Variants in KSR1 observed in about 807,000 individuals in gnomAD.
KSR1 encodes the protein kinase suppressor of ras.
In KSR1, 35 loss-of-function variants were observed where a neutral mutation model predicts 92.9. The ratio of observed to expected loss-of-function variants is 0.38; its 90% CI spans 0.29 to 0.50. The LOEUF is 0.50. Ranked by LOEUF, KSR1 falls within the 20% of genes least tolerant of loss-of-function variation. The pLI is 0.94. For missense variants in KSR1, 972 were observed against 1,158.5 expected, an observed-to-expected ratio of 0.84 and a Z score of 2.34; for synonymous variants, 467 against 472.6, an observed-to-expected ratio of 0.99 and a Z score of 0.15.
chr17:27,540,621 C>G (rs2070928477), intron 1 of KSR1, among the ~76,000 whole-genome samples: 1 of 152,228 alleles, frequency 6.6e-6, no homozygotes, highest in Admixed American at 6.5e-5. Context: ...GCGAAATGCC[C>G]AGCTCAAGGA....
chr17:27,622,974 T>C (rs993961338), intron 20 of KSR1: 3 of 323,788 alleles, frequency 9.3e-6, no homozygotes, highest in Non-Finnish European at 1.7e-5. Flanking sequence ...GGAGTCATGT[T>C]TCTCTTCTCT....
intron 1 of KSR1, among the ~76,000 whole-genome samples, chr17:27,538,631 A>G (rs2070838650): frequency 6.6e-6 from 1 of 152,236 alleles, no homozygotes. Context: ...GCTGCGAGCC[A>G]CTGACTGAGA....
chr17:27,551,100 G>A (rs185472312), intron 2 of KSR1, among the ~76,000 whole-genome samples: 52 of 152,300 alleles, frequency 3.4e-4, no homozygotes, highest in Middle Eastern at 6.8e-3. Flanking sequence ...TTTTATACTC[G>A]AGGAAATTAA....
At chr17:27,549,411 G>A (rs565606085) in intron 1 of KSR1, among the ~76,000 whole-genome samples, 3 of 152,282 alleles carry the variant, frequency 2.0e-5, no homozygotes, top group African/African-American at 4.8e-5. Flanking sequence ...TTGGGAATGC[G>A]AGTCCCTTAT....
At chr17:27,514,730 A>G (rs1567781807) in intron 1 of KSR1, among the ~76,000 whole-genome samples, 1 of 152,120 alleles carries the variant, frequency 6.6e-6, no homozygotes, top group African/African-American at 2.4e-5. Flanking sequence ...TTATGAAACA[A>G]AAAGCCCAGA....
chr17:27,462,511 C>T (rs2019493863), intron 1 of KSR1, among the ~76,000 whole-genome samples: 1 of 152,176 alleles, frequency 6.6e-6, no homozygotes, highest in African/African-American at 2.4e-5. Context: ...CTAGCACATC[C>T]TCAAAGACAG....
chr17:27,551,377 G>A (rs1054526197), intron 2 of KSR1, among the ~76,000 whole-genome samples: 2 of 152,072 alleles, frequency 1.3e-5, no homozygotes, highest in Non-Finnish European at 2.9e-5. Flanking sequence ...TACTTGGCAG[G>A]CATGGTTCAC....
At chr17:27,563,980 G>GATTTTTTTTTTTTTTT (rs1567832073) in intron 2 of KSR1, among the ~76,000 whole-genome samples, 1 of 82,654 alleles carries the variant, frequency 1.2e-5, no homozygotes, top group African/African-American at 4.6e-5. Flanking sequence ...GTATTCGGTA[G>GATTTTTTTTTTTTTTT]CTTTTTTTTT....
intron 1 of KSR1, among the ~76,000 whole-genome samples, chr17:27,495,601 CTG>C (rs957084073): frequency 1.3e-5 from 2 of 152,208 alleles, no homozygotes; most frequent in African/African-American, 4.8e-5. Flanking sequence ...GCTCTGAAAT[CTG>C]TGAGCAATGT....
intron 5 of KSR1, 46 bp downstream of exon 5, chr17:27,585,707 T>G (rs768231279): frequency 1.3e-6 from 1 of 746,942 alleles, no homozygotes; most frequent in South Asian, 1.4e-5. Context: ...GGGAGTCGTG[T>G]GTGCGTTGCT....
At chr17:27,494,044 G>A (rs529251252) in intron 1 of KSR1, among the ~76,000 whole-genome samples, 2 of 152,142 alleles carry the variant, frequency 1.3e-5, no homozygotes, top group East Asian at 3.9e-4. Context: ...ATCAATGTCC[G>A]CCTTTCATGT....
At chr17:27,580,381 C>G (rs1249088858) in intron 3 of KSR1, among the ~76,000 whole-genome samples, 2 of 152,226 alleles carry the variant, frequency 1.3e-5, no homozygotes, top group Admixed American at 6.5e-5. Context: ...TCACTGCAGT[C>G]AGGTGGGAGG....
intron 1 of KSR1, among the ~76,000 whole-genome samples, chr17:27,492,404 G>C (rs2068858577): frequency 6.6e-6 from 1 of 152,154 alleles, no homozygotes; most frequent in Non-Finnish European, 1.5e-5. Flanking sequence ...TTGTGCCCGT[G>C]AATTCCTTTC....
chr17:27,462,112 C>T (rs372922575), intron 1 of KSR1, among the ~76,000 whole-genome samples: 1 of 152,170 alleles, frequency 6.6e-6, no homozygotes, highest in Non-Finnish European at 1.5e-5. Context: ...AGATGAAGAA[C>T]GTGCTTGATC....
chr17:27,593,838 G>A (rs1243015204), intron 9 of KSR1, among the ~76,000 whole-genome samples: 2 of 152,234 alleles, frequency 1.3e-5, no homozygotes, highest in Non-Finnish European at 2.9e-5. Flanking sequence ...GAAGATCAAG[G>A]TGCCAGTAGG....
intron 1 of KSR1, among the ~76,000 whole-genome samples, chr17:27,497,189 A>G (rs1309478593): frequency 6.6e-6 from 1 of 152,194 alleles, no homozygotes; most frequent in Non-Finnish European, 1.5e-5. Context: ...CTTGCGGTTT[A>G]TGTTATCGGT....
Position 27,609,302 on chromosome 17 carries a change from G to A in KSR1, c.2198G>A (p.Gly733Glu), listed in dbSNP as rs1483684625. 30 of 1,613,860 alleles carry A rather than the reference G, an allele frequency of 1.9e-5. No homozygotes were observed. The highest frequency in any genetic ancestry group is 2.5e-5 in the Non-Finnish European group (29 of 1,179,888). ...KVVITDFGLFGISGVVREGRR... is the reference protein window; with the variant it reads ...KVVITDFGLFEISGVVREGRR... ...GTCATCACAGACTTCGGGCTGTTTG[G>A]GATCTCAGGCGTGGTCCGAGAGGGA... Residue 733 changes from glycine (G) to glutamate (E), a missense_variant, in exon 16 of 21, where the codon GGG (glycine) becomes GAG (glutamate). This residue lies in a region of KSR1 where 260 missense variants were observed against 375.2 expected (regional missense o/e 0.69). Transcript: ENST00000644974.
chr17:27,494,460 T>G (rs977193684), intron 1 of KSR1, among the ~76,000 whole-genome samples: 3 of 152,244 alleles, frequency 2.0e-5, no homozygotes, highest in South Asian at 2.1e-4. Flanking sequence ...TTCCGCTGCA[T>G]TTAAAGAGCC....
chr17:27,543,136 G>A (rs1167254481), intron 1 of KSR1, among the ~76,000 whole-genome samples: 1 of 152,226 alleles, frequency 6.6e-6, no homozygotes, highest in Non-Finnish European at 1.5e-5. Flanking sequence ...AGCCGCCCGT[G>A]GGAGCTCTCT....
Sources: gnomAD v4.1 joint callset for allele counts (sites outside exome capture counted in the v4.1 genomes callset) on GRCh38, gnomAD v4.1.1 for gene constraint, gnomAD v4.1.1 regional missense constraint, MANE v1.5 for transcripts, NCBI Gene and HGNC (gene_info 2026-07-23, HGNC 2026-07-21) for gene names.